The following DSTN variants were observed in gnomAD, a reference collection of about 807,000 sequenced individuals.
DSTN encodes the protein destrin.
DSTN carries 10 observed loss-of-function variants against 16.8 expected under a neutral mutation model. The observed-to-expected ratio is 0.60, with a 90% CI of 0.37 to 1.01. The LOEUF is 1.01. DSTN is among the 50% of genes least tolerant of loss of function. DSTN has a pLI of 0.01. For synonymous variants in DSTN, 57 were observed against 58.9 expected, an observed-to-expected ratio of 0.97 and a Z score of 0.14; for missense variants, 141 against 196.7, an observed-to-expected ratio of 0.72 and a Z score of 1.69.
intron 2 of DSTN, among the ~76,000 whole-genome samples, chr20:17,602,698 T>C (rs2035599255): frequency 6.6e-6 from 1 of 152,194 alleles, no homozygotes; most frequent in Non-Finnish European, 1.5e-5. Flanking sequence ...GAACAGCTGA[T>C]GCTTTTTTAT....
At chr20:17,574,763 A>G (rs2035251329) in intron 1 of DSTN, among the ~76,000 whole-genome samples, 1 of 150,254 alleles carries the variant, frequency 6.7e-6, no homozygotes, top group African/African-American at 2.4e-5. Context: ...AGTCTAAAAA[A>G]CAAACATGCA....
intron 1 of DSTN, 72 bp downstream of exon 1, chr20:17,570,283 C>T: frequency 7.0e-7 from 1 of 1,429,892 alleles, no homozygotes; most frequent in South Asian, 1.4e-5. Flanking sequence ...GCCGCGGAGT[C>T]GGGGCTAAGG....
intron 1 of DSTN, among the ~76,000 whole-genome samples, chr20:17,598,836 G>T (rs564283000): frequency 6.6e-6 from 1 of 152,202 alleles, no homozygotes; most frequent in East Asian, 1.9e-4. Flanking sequence ...GAACTCAAGT[G>T]ATCTTCCTGC....
chr20:17,570,261 T>A (rs1245292871), intron 1 of DSTN, 50 bp downstream of exon 1: 2 of 1,465,048 alleles, frequency 1.4e-6, no homozygotes, highest in African/African-American at 1.5e-5. Context: ...GGGAGCAGTG[T>A]GTCTCTGGGG....
intron 1 of DSTN, among the ~76,000 whole-genome samples, chr20:17,574,415 A>G (rs540441141): frequency 2.6e-5 from 4 of 152,228 alleles, no homozygotes; most frequent in African/African-American, 9.6e-5. Context: ...TTCTTTGCCA[A>G]GGGCTGTGGA....
At chr20:17,585,470 C>T (rs1467825230) in intron 1 of DSTN, among the ~76,000 whole-genome samples, 1 of 152,096 alleles carries the variant, frequency 6.6e-6, no homozygotes, top group African/African-American at 2.4e-5. Context: ...AGAAATTTTT[C>T]ACATTTAGCT....
At chr20:17,593,655 A>G (rs1285757571) in intron 1 of DSTN, among the ~76,000 whole-genome samples, 3 of 152,218 alleles carry the variant, frequency 2.0e-5, no homozygotes, top group African/African-American at 4.8e-5. Context: ...GGCAGGGTGT[A>G]TAGTATGAGC....
At position 17,596,847 on chromosome 20, in the gene DSTN, A is replaced by G. The variant is rs2035531836; in HGVS notation, c.4-3891A>G. The G allele has an allele frequency of 9.2e-6, 9 of 978,840 alleles. No homozygotes were observed. The South Asian group carries it at 2.8e-4, about 31-fold the overall frequency. 60.6% of individuals were successfully genotyped at this position (978,840 alleles called of 1,614,324 possible). A position where few individuals can be genotyped will look rare whatever the true frequency, so the allele number is the denominator to read the frequency against. ...TCTGTTTTATAATTGCAGAATGCAC[A>G]TTTACTTTGTTTTTGATTACTAGTA... On this transcript the variant is annotated intron_variant, in intron 1 of 3. Transcript: ENST00000246069.
intron 1 of DSTN, among the ~76,000 whole-genome samples, chr20:17,586,360 G>A (rs1239376126): frequency 6.6e-6 from 1 of 152,154 alleles, no homozygotes; most frequent in Non-Finnish European, 1.5e-5. Context: ...CATATTTTAG[G>A]ACAAAACCAA....
chr20:17,570,277 C>T (rs2035182475), intron 1 of DSTN, 66 bp downstream of exon 1: 3 of 1,434,878 alleles, frequency 2.1e-6, no homozygotes, highest in East Asian at 2.9e-5. Context: ...TGGGGCGCCG[C>T]GGAGTCGGGG....
intron 1 of DSTN, among the ~76,000 whole-genome samples, chr20:17,580,696 C>T (rs139972157): frequency 0.016 from 2,466 of 151,256 alleles, 59 homozygotes; most frequent in African/African-American, 0.057. Flanking sequence ...TGCAGTGAGC[C>T]GAGATCGTGC....
intron 1 of DSTN, among the ~76,000 whole-genome samples, chr20:17,570,487 C>T (rs570450920): frequency 1.3e-5 from 2 of 152,330 alleles, no homozygotes; most frequent in East Asian, 1.9e-4. Flanking sequence ...CTGCGGGTGT[C>T]TCCAGACCCG....
At chr20:17,593,921 A>G (rs2035497452) in intron 1 of DSTN, among the ~76,000 whole-genome samples, 1 of 151,508 alleles carries the variant, frequency 6.6e-6, no homozygotes, top group Non-Finnish European at 1.5e-5. Flanking sequence ...TCTACAAAAA[A>G]AATTTTAAAA....
intron 1 of DSTN, among the ~76,000 whole-genome samples, chr20:17,585,383 A>G (rs1213724514): frequency 1.3e-5 from 2 of 152,188 alleles, no homozygotes; most frequent in Non-Finnish European, 2.9e-5. Context: ...TTAACCAGCA[A>G]TATCAAATCT....
intron 1 of DSTN, among the ~76,000 whole-genome samples, chr20:17,578,115 C>T (rs1467341445): frequency 6.6e-6 from 1 of 152,220 alleles, no homozygotes; most frequent in Non-Finnish European, 1.5e-5. Context: ...AAATTCTCTG[C>T]ATTTCTGCAC....
rs1354147534 is a variant in DSTN, at chr20:17,574,865, C to CTTTTCTT, written c.3+4658_3+4659insCTTTTTT. On this transcript the variant is annotated intron_variant, in intron 1 of 3. Coordinates refer to ENST00000246069, the MANE Select transcript of DSTN (RefSeq NM_006870.4). ...CTTTCTTTTCTTTTTCTTTTCTTTT[C>CTTTTCTT]TTTTGTTTTTTTTTTTTTTTTTTTT... Among the ~76,000 whole-genome samples the CTTTTCTT allele has an allele frequency of 2.3e-4, 15 of 64,262 alleles. 1 individual carries two copies. Among genetic ancestry groups the CTTTTCTT allele is most frequent in the African/African-American group, 9.0e-4 (15 of 16,726 alleles). The allele number at this position is 64,262 out of a possible 152,430, so 42.2% of individuals were successfully genotyped here.
At position 17,578,938 on chromosome 20, in the gene DSTN, A is replaced by G. The variant is rs143440159; in HGVS notation, c.3+8727A>G. ...ATCCCACCATTGCACTCCAGCCTGG[A>G]CAACAAGAGCGAAATTCCATCTCAA... On this transcript the variant is annotated intron_variant, in intron 1 of 3. Coordinates refer to ENST00000246069, the MANE Select transcript of DSTN (RefSeq NM_006870.4). 7.5e-3 allele frequency among the ~76,000 whole-genome samples: 1,098 copies of G among 147,148 alleles called. 5 individuals carry two copies. Among genetic ancestry groups the G allele is most frequent in the Non-Finnish European group, 0.012 (804 of 67,240 alleles).
intron 1 of DSTN, among the ~76,000 whole-genome samples, chr20:17,578,199 A>G (rs899928142): frequency 6.6e-6 from 1 of 152,218 alleles, no homozygotes; most frequent in African/African-American, 2.4e-5. Flanking sequence ...AAACTAGACT[A>G]TTGAGCTCTT....
chr20:17,587,066 G>T (rs1052020904), intron 1 of DSTN, among the ~76,000 whole-genome samples: 5 of 152,028 alleles, frequency 3.3e-5, no homozygotes, highest in African/African-American at 9.7e-5. Context: ...CCAGTTAATT[G>T]TAAAATCAGA....
Sources: gnomAD v4.1 joint callset for allele counts (sites outside exome capture counted in the v4.1 genomes callset) on GRCh38, gnomAD v4.1.1 for gene constraint, MANE v1.5 for transcripts, NCBI Gene and HGNC (gene_info 2026-07-23, HGNC 2026-07-21) for gene names.